RASSF4: variants seen among roughly 807,000 people sequenced by gnomAD.
RASSF4 encodes the protein ras association domain-containing protein 4.
Under a neutral mutation model 41.1 loss-of-function variants are expected in RASSF4, and 38 were observed. That is an observed-to-expected ratio of 0.92 (90% CI 0.71 to 1.21). RASSF4 has a LOEUF of 1.21. Ranked by LOEUF, RASSF4 falls within the 50% of genes most tolerant of loss-of-function variation. The pLI, the probability that RASSF4 is intolerant of heterozygous loss-of-function variation, is 0.00. For synonymous variants in RASSF4, 179 were observed against 163.4 expected (o/e 1.10, Z -0.73); for missense variants, 414 against 419.4 (o/e 0.99, Z 0.11).
chr10:44,969,625 T>C (rs1001358), intron 1 of RASSF4, among the ~76,000 whole-genome samples: 1 of 151,990 alleles, frequency 6.6e-6, no homozygotes, highest in Non-Finnish European at 1.5e-5. Flanking sequence ...GGGAATATGG[T>C]GATACTCACC....
intron 3 of RASSF4, among the ~76,000 whole-genome samples, chr10:44,979,991 G>A (rs1293784200): frequency 2.0e-5 from 3 of 152,114 alleles, no homozygotes; most frequent in Admixed American, 6.5e-5. Context: ...CCCCTGGGAA[G>A]CTCCTGCACT....
intron 3 of RASSF4, among the ~76,000 whole-genome samples, chr10:44,972,723 C>T (rs530806845): frequency 2.0e-5 from 3 of 152,318 alleles, no homozygotes; most frequent in South Asian, 2.1e-4. Context: ...ATATTTGTAC[C>T]GCCTAATGGC....
At chr10:44,983,057 T>A (rs1344471309) in intron 4 of RASSF4, 1 of 447,360 alleles carries the variant, frequency 2.2e-6, no homozygotes, top group Non-Finnish European at 4.5e-6. Context: ...AATGTCAAAA[T>A]TTTAAAAATA....
At chr10:44,968,623 AG>A (rs993806978) in intron 1 of RASSF4, among the ~76,000 whole-genome samples, 1 of 152,120 alleles carries the variant, frequency 6.6e-6, no homozygotes, top group African/African-American at 2.4e-5. Context: ...GTGTCAAGCA[AG>A]GGGGGAGAGA....
intron 6 of RASSF4, among the ~76,000 whole-genome samples, chr10:44,986,139 T>C (rs1170170934): frequency 6.6e-6 from 1 of 152,204 alleles, no homozygotes; most frequent in Non-Finnish European, 1.5e-5. Context: ...CCAAAATATG[T>C]GCGTGGGTTT....
rs1210939111 is a variant in RASSF4, at chr10:44,978,173, G to A, written c.139-4348G>A. 3.2e-6 allele frequency: 3 copies of A among 927,636 alleles called. No individual in the cohort carries two copies. In the African/African-American group the frequency reaches 5.0e-5, roughly 16 times the overall value. 57.5% of individuals were successfully genotyped at this position (927,636 alleles called of 1,614,324 possible). A position where few individuals can be genotyped will look rare whatever the true frequency, so the allele number is the denominator to read the frequency against. On this transcript the variant is annotated intron_variant, in intron 3 of 10. Coordinates refer to ENST00000340258, the MANE Select transcript of RASSF4 (RefSeq NM_032023.4). ...TCCGGTGCCCTGAGAGCAATTTGAAGTCTACAGAGCCCAGACCAGAGCTCC... is the reference window on the plus strand; with the variant it reads ...TCCGGTGCCCTGAGAGCAATTTGAAATCTACAGAGCCCAGACCAGAGCTCC...
intron 6 of RASSF4, among the ~76,000 whole-genome samples, chr10:44,986,103 A>G (rs1269024701): frequency 1.3e-5 from 2 of 152,240 alleles, no homozygotes; most frequent in Non-Finnish European, 2.9e-5. Flanking sequence ...TTGATATGCT[A>G]GTGTAAGGAA....
intron 6 of RASSF4, among the ~76,000 whole-genome samples, chr10:44,988,318 T>C (rs1393182113): frequency 6.6e-6 from 1 of 152,214 alleles, no homozygotes; most frequent in Non-Finnish European, 1.5e-5. Context: ...AATGATTGTA[T>C]GTAAAATCTT....
At chr10:44,977,611 G>T (rs770794008) in intron 3 of RASSF4, 1 of 1,613,280 alleles carries the variant, frequency 6.2e-7, no homozygotes, top group African/African-American at 1.3e-5. Flanking sequence ...GCTTGCTGCT[G>T]TCCATCTGTC....
chr10:44,969,111 TG>T (rs1228069998), intron 1 of RASSF4, among the ~76,000 whole-genome samples: 11 of 139,726 alleles, frequency 7.9e-5, no homozygotes, highest in South Asian at 2.2e-4. Flanking sequence ...TGTGTTTTTG[TG>T]TGTGTGTGTG....
intron 5 of RASSF4, 55 bp downstream of exon 5, chr10:44,984,168 A>G (rs2132795007): frequency 6.7e-7 from 1 of 1,489,694 alleles, no homozygotes. Flanking sequence ...GTAGGAGCAG[A>G]GGGGCTTGGC....
chr10:44,993,539 T>C lies in RASSF4; in HGVS notation c.*210T>C, dbSNP rs1056029251. 42 of 579,714 alleles carry C rather than the reference T, an allele frequency of 7.2e-5. No individual in the cohort carries two copies. Among genetic ancestry groups the C allele is most frequent in the Admixed American group, 3.8e-4 (13 of 34,072 alleles). 35.9% of individuals were successfully genotyped at this position (579,714 alleles called of 1,614,324 possible). On this transcript the variant is annotated 3_prime_UTR_variant, in exon 11 of 11. Coordinates refer to ENST00000340258, the MANE Select transcript of RASSF4 (RefSeq NM_032023.4). Reference sequence around the variant, plus strand: ...CACCCACAGGAAGCCGACCCAGGCCTGAGGGGCCAGGAACTTGCTGGGTCA... The same window carrying C: ...CACCCACAGGAAGCCGACCCAGGCCCGAGGGGCCAGGAACTTGCTGGGTCA...
intron 6 of RASSF4, among the ~76,000 whole-genome samples, chr10:44,988,460 C>CA (rs1841994985): frequency 6.6e-6 from 1 of 152,116 alleles, no homozygotes; most frequent in South Asian, 2.1e-4. Flanking sequence ...TGTGTCCCCC[C>CA]ACCCCCCAGC....
At chr10:44,969,108 T>TTGTG (rs58639318) in intron 1 of RASSF4, among the ~76,000 whole-genome samples, 10 of 149,628 alleles carry the variant, frequency 6.7e-5, no homozygotes, top group African/African-American at 2.2e-4. Flanking sequence ...GCGTGTGTTT[T>TTGTG]TGTGTGTGTG....
chr10:44,984,139 GA>G (rs1365082531), intron 5 of RASSF4, 26 bp downstream of exon 5: 1 of 1,568,890 alleles, frequency 6.4e-7, no homozygotes, highest in Non-Finnish European at 8.6e-7. Context: ...AAGCTGCCCA[GA>G]CCCCTGCCTC....
intron 1 of RASSF4, among the ~76,000 whole-genome samples, chr10:44,963,068 T>C (rs1840767202): frequency 6.6e-6 from 1 of 152,022 alleles, no homozygotes; most frequent in Non-Finnish European, 1.5e-5. Flanking sequence ...GCCTGTGTGG[T>C]CAGTCCAGGG....
intron 3 of RASSF4, chr10:44,976,501 T>C (rs1013888771): frequency 6.6e-6 from 1 of 152,438 alleles, no homozygotes; most frequent in Non-Finnish European, 1.5e-5. Flanking sequence ...CCTTCACCTC[T>C]GATCAGTCCC....
At chr10:44,974,308 T>A (rs1841304269) in intron 3 of RASSF4, among the ~76,000 whole-genome samples, 1 of 152,280 alleles carries the variant, frequency 6.6e-6, no homozygotes, top group East Asian at 1.9e-4. Flanking sequence ...ACTTTGCCTC[T>A]CCTTTGTTTA....
At chr10:44,959,905 T>G (rs921292279) in intron 1 of RASSF4, 39 bp downstream of exon 1, 2 of 152,312 alleles carry the variant, frequency 1.3e-5, no homozygotes, top group African/African-American at 4.8e-5. Context: ...TGGGCGTCCA[T>G]GGAGCATCCC....
Sources: gnomAD v4.1 joint callset for allele counts (sites outside exome capture counted in the v4.1 genomes callset) on GRCh38, gnomAD v4.1.1 for gene constraint, MANE v1.5 for transcripts, NCBI Gene and HGNC (gene_info 2026-07-23, HGNC 2026-07-21) for gene names.